VXN: variants seen among roughly 807,000 people sequenced by gnomAD.
VXN encodes vexin, also known as uncharacterized protein C8orf46.
A neutral mutation model predicts 23.1 loss-of-function variants in VXN; 7 were observed. The observed-to-expected ratio is 0.30, with a 90% CI of 0.17 to 0.57. The LOEUF is 0.57. Among genes scored for constraint, VXN ranks in the 20% least tolerant of loss-of-function variants. The probability of loss-of-function intolerance (pLI) is 0.91; values close to 1 mark genes in which losing one functional copy is unlikely to be tolerated. For synonymous variants in VXN, 120 were observed against 105.8 expected, an observed-to-expected ratio of 1.13 and a Z score of -0.83; for missense variants, 238 against 272.6, an observed-to-expected ratio of 0.87 and a Z score of 0.89.
At chr8:66,509,724 C>T (rs1690541701) in intron 3 of VXN, among the ~76,000 whole-genome samples, 1 of 152,164 alleles carries the variant, frequency 6.6e-6, no homozygotes, top group Non-Finnish European at 1.5e-5. Flanking sequence ...TTTAAATAGA[C>T]TTTATTTTTA....
Position 66,494,037 on chromosome 8 carries a change from G to C in VXN, c.70+319G>C, listed in dbSNP as rs1024956198. Reference sequence around the variant, plus strand: ...GCACACAGGTGAAAACAAAATCCCAGGGTAGCTAGATAGAGACTTTCATTT... The same window carrying C: ...GCACACAGGTGAAAACAAAATCCCACGGTAGCTAGATAGAGACTTTCATTT... On this transcript the variant is annotated intron_variant, in intron 1 of 5. Transcript: ENST00000305454. Among the ~76,000 whole-genome samples the C allele has an allele frequency of 3.3e-5, 5 of 152,298 alleles. No individual in the cohort carries two copies. In the East Asian group the frequency reaches 9.6e-4, roughly 29 times the overall value.
chr8:66,511,402 C>G (rs1444107279), intron 4 of VXN, among the ~76,000 whole-genome samples: 1 of 152,226 alleles, frequency 6.6e-6, no homozygotes, highest in Admixed American at 6.5e-5. Context: ...GGGTGCTTCG[C>G]TCCTGGTCTG....
At chr8:66,495,264 AT>A (rs917868401) in intron 1 of VXN, among the ~76,000 whole-genome samples, 1 of 152,202 alleles carries the variant, frequency 6.6e-6, no homozygotes, top group African/African-American at 2.4e-5. Context: ...AAATATGAAA[AT>A]GTTACATGTG....
chr8:66,512,148 G>T (rs1055692698), intron 4 of VXN, among the ~76,000 whole-genome samples: 7 of 152,052 alleles, frequency 4.6e-5, no homozygotes, highest in Non-Finnish European at 5.9e-5. Flanking sequence ...GTGGGGCTAG[G>T]GTCTCACAGC....
At chr8:66,503,963 C>A (rs1807719419) in intron 2 of VXN, among the ~76,000 whole-genome samples, 1 of 152,332 alleles carries the variant, frequency 6.6e-6, no homozygotes, top group African/African-American at 2.4e-5. Flanking sequence ...GGGCTCTTCT[C>A]CTCTTTCATT....
At chr8:66,505,960 A>G (rs1807751841) in intron 3 of VXN, among the ~76,000 whole-genome samples, 1 of 151,856 alleles carries the variant, frequency 6.6e-6, no homozygotes, top group African/African-American at 2.4e-5. Flanking sequence ...AATTTTTTTT[A>G]TCTTTAAAAG....
chr8:66,511,740 T>A (rs574081449), intron 4 of VXN, among the ~76,000 whole-genome samples: 42 of 151,978 alleles, frequency 2.8e-4, no homozygotes, highest in Non-Finnish European at 5.3e-4. Context: ...AGGGTGGTGA[T>A]GGGGATGTAG....
rs759565696 is a variant in VXN at position 66,505,545 on chromosome 8, C to A, written c.280+17C>A. 1.3e-5 allele frequency: 19 copies of A among 1,469,176 alleles called. No homozygotes were observed. Among genetic ancestry groups the A allele is most frequent in the Non-Finnish European group, 1.7e-5 (19 of 1,114,312 alleles). The allele number at this position is 1,469,176 out of a possible 1,614,324, so 91.0% of individuals were successfully genotyped here. ...CCAGACCCGGTACGTGAGTCCCGGC[C>A]CCAGCTCCCCGCACCTCCCTGGGCG... On this transcript the variant is annotated intron_variant, in intron 3 of 5. Transcript: ENST00000305454.
At chr8:66,496,062 CATTTTGTGTCCGGCTT>C (rs1406168664) in intron 1 of VXN, among the ~76,000 whole-genome samples, 6 of 152,322 alleles carry the variant, frequency 3.9e-5, no homozygotes, top group Non-Finnish European at 8.8e-5. Flanking sequence ...GACTATGTGA[CATTTTGTGTCCGGCTT>C]ATTTCACTTA....
In VXN at chr8:66,516,904, C is replaced by T. The variant is rs898022820; in HGVS notation, c.*828C>T. 1.3e-5 allele frequency: 2 copies of T among 152,224 alleles called. No homozygotes were observed. The highest frequency in any genetic ancestry group is 4.8e-5 in the African/African-American group (2 of 41,454). 9.4% of individuals were successfully genotyped at this position (152,224 alleles called of 1,614,324 possible). A position where few individuals can be genotyped will look rare whatever the true frequency, so the allele number is the denominator to read the frequency against. ...CCAGATACCAGGTAGTGGAACCAGA[C>T]AGCAGGTCCTTAACTTCTCTCCAGT... On this transcript the variant is annotated 3_prime_UTR_variant, in exon 6 of 6. Transcript: ENST00000305454.
chr8:66,509,294 C>T lies in VXN; in HGVS notation c.281-802C>T, dbSNP rs867859323. Among the ~76,000 whole-genome samples the T allele has an allele frequency of 7.2e-5, 11 of 152,294 alleles. 1 individual carries two copies. In the Middle Eastern group the frequency reaches 0.014, roughly 188 times the overall value. On this transcript the variant is annotated intron_variant, in intron 3 of 5. Coordinates refer to ENST00000305454, the MANE Select transcript of VXN (RefSeq NM_152765.4). ...TGTGCTGAAAGCCAGCTTTCCCCTA[C>T]GTTTTATCAGCTACCTCAGCTCAAC...
rs779938192 is a variant in VXN, at chr8:66,513,544, C to T, written c.347C>T (p.Pro116Leu). ...GNRAYGKSLI[P>L]PVPRISVKTS... Reference sequence around the variant, plus strand: ...CCTCCCGCTTCCTCATGACAGATACCGCCAGTGCCCCGGATCTCAGTGAAA... The same window carrying T: ...CCTCCCGCTTCCTCATGACAGATACTGCCAGTGCCCCGGATCTCAGTGAAA... The change falls in exon 5 of 6, where the codon CCG (proline) becomes CTG (leucine). Residue 116 changes from proline to leucine, a missense_variant. Pro to Leu is a moderately conservative substitution (Grantham distance 98). Transcript: ENST00000305454. 9.9e-6 allele frequency: 16 copies of T among 1,613,882 alleles called. 1 individual carries two copies. The South Asian group carries it at 1.1e-4, about 11-fold the overall frequency.
chr8:66,497,396 T>C (rs561814224), intron 2 of VXN, among the ~76,000 whole-genome samples: 5 of 152,372 alleles, frequency 3.3e-5, no homozygotes, highest in Non-Finnish European at 7.3e-5. Flanking sequence ...TCAGGAATTC[T>C]GAACAATTTG....
intron 2 of VXN, among the ~76,000 whole-genome samples, chr8:66,499,221 GTTTTTTT>G (rs759637693): frequency 9.1e-6 from 1 of 109,666 alleles, no homozygotes; most frequent in Non-Finnish European, 1.8e-5. Flanking sequence ...TATTGGGTTG[GTTTTTTT>G]TTTTTTTTTT....
intron 5 of VXN, among the ~76,000 whole-genome samples, chr8:66,514,814 G>A (rs1807867332): frequency 6.6e-6 from 1 of 152,182 alleles, no homozygotes; most frequent in Non-Finnish European, 1.5e-5. Flanking sequence ...TAGTTGGGAA[G>A]CTATGCACTT....
chr8:66,511,724 G>A (rs1284275683), intron 4 of VXN, among the ~76,000 whole-genome samples: 1 of 152,196 alleles, frequency 6.6e-6, no homozygotes, highest in Non-Finnish European at 1.5e-5. Context: ...GAAGCTGGGA[G>A]GGGATAGGGT....
rs184984808 is a variant in VXN at position 66,498,774 on chromosome 8, A to C, written c.126+2282A>C. The C allele has an allele frequency of 4.0e-5, 18 of 453,288 alleles. 1 individual carries two copies. The highest frequency in any genetic ancestry group is 2.9e-4 in the Admixed American group (12 of 42,086). The allele number at this position is 453,288 out of a possible 1,614,324, so 28.1% of individuals were successfully genotyped here. ...TCATCACACTGCTCAGAATAGTGCA[A>C]AATTTAAAATCTATGAAATATTTCT... On this transcript the variant is annotated intron_variant, in intron 2 of 5. Coordinates refer to ENST00000305454, the MANE Select transcript of VXN (RefSeq NM_152765.4).
intron 2 of VXN, chr8:66,498,712 A>G (rs1807655143): frequency 2.7e-6 from 1 of 375,916 alleles, no homozygotes. Context: ...GGGATGATTC[A>G]TGCCCCGGGA....
chr8:66,500,025 C>G (rs1807673438), intron 2 of VXN, among the ~76,000 whole-genome samples: 2 of 152,156 alleles, frequency 1.3e-5, no homozygotes, highest in Admixed American at 6.5e-5. Context: ...CTGTGCCTGG[C>G]CTACCTCATT....
Sources: gnomAD v4.1 joint callset for allele counts (sites outside exome capture counted in the v4.1 genomes callset) on GRCh38, gnomAD v4.1.1 for gene constraint, MANE v1.5 for transcripts, NCBI Gene and HGNC (gene_info 2026-07-23, HGNC 2026-07-21) for gene names.